DLG1: variants seen among roughly 807,000 people sequenced by gnomAD.
The protein encoded by DLG1 is discs large MAGUK scaffold protein 1.
A neutral mutation model predicts 123.4 loss-of-function variants in DLG1; 42 were observed. The observed-to-expected ratio is 0.34, with a 90% CI of 0.27 to 0.44. The LOEUF is 0.44. Ranked by LOEUF, DLG1 falls within the 20% of genes least tolerant of loss-of-function variation. The probability of loss-of-function intolerance (pLI) is 1.00; values close to 1 mark genes in which losing one functional copy is unlikely to be tolerated. For synonymous variants in DLG1, 317 were observed against 356.2 expected (o/e 0.89, Z 1.24); for missense variants, 942 against 1,082.6 (o/e 0.87, Z 1.82).
intron 11 of DLG1, among the ~76,000 whole-genome samples, chr3:197,120,273 G>GAAAA (rs3050713): frequency 5.5e-5 from 7 of 127,594 alleles, no homozygotes; most frequent in Admixed American, 8.0e-5. Context: ...TCTCGAGAAA[G>GAAAA]AAAAAAAAAA....
chr3:197,211,440 G>A (rs58898852), intron 4 of DLG1, among the ~76,000 whole-genome samples: 2,585 of 146,066 alleles, frequency 0.018, 184 homozygotes, highest in African/African-American at 0.039. Context: ...AAGCTAAACC[G>A]CCACAATCAA....
chr3:197,076,785 A>G (rs1310062980), intron 17 of DLG1, 100 bp from the exon 18 acceptor site: 1 of 677,816 alleles, frequency 1.5e-6, no homozygotes, highest in East Asian at 2.8e-5. Flanking sequence ...CTATGACCAC[A>G]GTGTGCAGTT....
At chr3:197,069,660 C>T (rs1256499018) in intron 18 of DLG1, 1 of 153,914 alleles carries the variant, frequency 6.5e-6, no homozygotes, top group Non-Finnish European at 1.4e-5. Flanking sequence ...AATAGATGCC[C>T]ATTTTAATGA....
At chr3:197,053,774 T>TTAA (rs1553867223) in intron 23 of DLG1, among the ~76,000 whole-genome samples, 7 of 97,316 alleles carry the variant, frequency 7.2e-5, no homozygotes, top group Admixed American at 1.2e-4. Flanking sequence ...CCCTGTCTCA[T>TTAA]AAAAAAAAAA....
At chr3:197,274,126 T>C (rs924434036) in intron 4 of DLG1, among the ~76,000 whole-genome samples, 1 of 152,088 alleles carries the variant, frequency 6.6e-6, no homozygotes, top group African/African-American at 2.4e-5. Context: ...TATACAATCA[T>C]AAAACACTCC....
intron 10 of DLG1, among the ~76,000 whole-genome samples, chr3:197,135,607 T>C (rs185250406): frequency 1.9e-4 from 29 of 152,170 alleles, no homozygotes; most frequent in African/African-American, 6.7e-4. Context: ...GACAAATAAA[T>C]TGCAGTACAG....
intron 5 of DLG1, chr3:197,161,674 G>A: frequency 6.4e-7 from 1 of 1,572,228 alleles, no homozygotes; most frequent in Non-Finnish European, 8.6e-7. Flanking sequence ...AGTATTCTCA[G>A]CAGGGACTGG....
At chr3:197,262,124 A>G (rs1259213725) in intron 4 of DLG1, among the ~76,000 whole-genome samples, 2 of 152,178 alleles carry the variant, frequency 1.3e-5, no homozygotes, top group African/African-American at 4.8e-5. Context: ...GAGGTAACTT[A>G]AAGTGAGACC....
rs1295706816 is a variant in DLG1, at chr3:197,127,494, AT to A, written c.1165+3032del. On this transcript the variant is annotated intron_variant, in intron 11 of 24. Transcript: ENST00000667157. ...TATATATATATATATATATATATAT[AT>A]AAAGTAAGAAACCTAAAAATACGTA... Among the ~76,000 whole-genome samples, 210 of 69,854 alleles carry A rather than the reference AT, an allele frequency of 3.0e-3. 2 individuals are homozygous for A. Among genetic ancestry groups the A allele is most frequent in the Middle Eastern group, 8.9e-3 (1 of 112 alleles). 45.8% of individuals were successfully genotyped at this position (69,854 alleles called of 152,430 possible).
At chr3:197,091,352 T>A (rs1160715029) in intron 14 of DLG1, among the ~76,000 whole-genome samples, 2 of 151,936 alleles carry the variant, frequency 1.3e-5, no homozygotes, top group Non-Finnish European at 2.9e-5. Context: ...GTGTAAATTT[T>A]AAAAATCAGG....
Position 197,263,100 on chromosome 3 carries a change from T to C in DLG1, c.318+19579A>G, listed in dbSNP as rs558242472. Among the ~76,000 whole-genome samples the C allele has an allele frequency of 8.5e-5, 13 of 152,308 alleles. No individual in the cohort carries two copies. In the South Asian group the frequency reaches 2.7e-3, roughly 32 times the overall value. ...AGAATACTGAAAACAATGGAAGTGA[T>C]ATCTAAGTACTGACTAGGCATTGCA... On this transcript the variant is annotated intron_variant, in intron 4 of 24. Coordinates refer to ENST00000667157, the MANE Select transcript of DLG1 (RefSeq NM_001366207.1).
intron 4 of DLG1, among the ~76,000 whole-genome samples, chr3:197,224,663 A>G (rs1357335852): frequency 1.3e-5 from 2 of 152,200 alleles, no homozygotes; most frequent in Non-Finnish European, 2.9e-5. Flanking sequence ...AAAATTTCTG[A>G]AATCTCAGTA....
intron 22 of DLG1, 95 bp from the exon 23 acceptor site, chr3:197,060,093 G>A (rs1734716967): frequency 1.4e-6 from 1 of 727,712 alleles, no homozygotes; most frequent in Admixed American, 3.0e-5. Context: ...TCTAAATCAT[G>A]ATCTGTTTCG....
At chr3:197,173,227 A>AG (rs1390168606) in intron 5 of DLG1, among the ~76,000 whole-genome samples, 1 of 152,144 alleles carries the variant, frequency 6.6e-6, no homozygotes, top group Non-Finnish European at 1.5e-5. Flanking sequence ...CCTCATTTAA[A>AG]GGTCAGAATA....
At chr3:197,045,231 AGCTTGTTAGTGGTTAGAG>A (rs1722106969) in intron 24 of DLG1, among the ~76,000 whole-genome samples, 3 of 152,046 alleles carry the variant, frequency 2.0e-5, no homozygotes, top group African/African-American at 7.2e-5. Flanking sequence ...TACCTAAGCT[AGCTTGTTAGTGGTTAGAG>A]ACTTAACAAT....
chr3:197,129,551 C>T (rs1176134894), intron 11 of DLG1, among the ~76,000 whole-genome samples: 2 of 152,182 alleles, frequency 1.3e-5, no homozygotes, highest in Non-Finnish European at 2.9e-5. Flanking sequence ...TGTAACAGTA[C>T]TTTTAATTTT....
chr3:197,120,509 T>TTGAGGCTTCAA (rs1359008887), intron 11 of DLG1, among the ~76,000 whole-genome samples: 4 of 152,226 alleles, frequency 2.6e-5, no homozygotes, highest in Admixed American at 2.6e-4. Context: ...TTTAACTTTC[T>TTGAGGCTTCAA]TGAGGCTTCA....
rs929629693 is a variant in DLG1, at chr3:197,043,847, A to C, written c.*776T>G. 1 of 152,074 alleles carries C rather than the reference A, an allele frequency of 6.6e-6. No homozygotes were observed. Among genetic ancestry groups the C allele is most frequent in the Non-Finnish European group, 1.5e-5 (1 of 68,002 alleles). 9.4% of individuals were successfully genotyped at this position (152,074 alleles called of 1,614,324 possible). ...GTATTTATATCTAGGAAATTTTCTC[A>C]ATCTTCTGTGTAAAAGGCGAACTTC... On this transcript the variant is annotated 3_prime_UTR_variant, in exon 25 of 25. Coordinates refer to ENST00000667157, the MANE Select transcript of DLG1 (RefSeq NM_001366207.1).
intron 13 of DLG1, among the ~76,000 whole-genome samples, chr3:197,112,062 A>G (rs1304915429): frequency 6.6e-6 from 1 of 152,208 alleles, no homozygotes; most frequent in East Asian, 1.9e-4. Flanking sequence ...AACCTTCCCA[A>G]AAGTTCTTGT....
Sources: allele counts gnomAD v4.1 joint callset (sites outside exome capture counted in the v4.1 genomes callset), GRCh38; gene constraint gnomAD v4.1.1; transcripts MANE v1.5; gene names NCBI Gene and HGNC (gene_info 2026-07-23, HGNC 2026-07-21).